The following STEAP3 variants were observed in gnomAD, a reference collection of about 807,000 sequenced individuals.
STEAP3 encodes the protein STEAP3 metalloreductase.
Under a neutral mutation model 34.9 loss-of-function variants are expected in STEAP3, and 35 were observed. The observed-to-expected ratio is 1.00, with a 90% CI of 0.76 to 1.33. The LOEUF (loss-of-function observed/expected upper bound fraction) is 1.33, where lower values mean the gene tolerates loss of function less well. Ranked by LOEUF, STEAP3 falls within the 40% of genes most tolerant of loss-of-function variation. The pLI is 0.00. For missense variants in STEAP3, 652 were observed against 667.6 expected, an observed-to-expected ratio of 0.98 and a Z score of 0.26; for synonymous variants, 281 against 301.6, an observed-to-expected ratio of 0.93 and a Z score of 0.71.
At chr2:119,257,402 T>C in intron 5 of STEAP3, 3 of 1,420,742 alleles carry the variant, frequency 2.1e-6, no homozygotes, top group Non-Finnish European at 2.8e-6. Context: ...GAGGGATGGC[T>C]CTGGCAATCT....
In STEAP3 at chr2:119,245,846, C is replaced by T; in HGVS notation, c.380C>T (p.Pro127Leu). The change falls in exon 3 of 6, where the codon CCT becomes CTT. Residue 127 changes from proline to leucine, a missense_variant. Pro to Leu is a moderately conservative substitution (Grantham distance 98, BLOSUM62 -3). Transcript: ENST00000393110. ...AGKILVDVSN[P>L]TEQEHLQHRE... ...AAGATCCTGGTGGATGTGAGCAACC[C>T]TACAGAGCAAGAGCACCTTCAGCAT... 6.2e-7 allele frequency: 1 copy of T among 1,614,162 alleles called. No individual in the cohort carries two copies.
At position 119,246,000 on chromosome 2, in the gene STEAP3, G is replaced by A; in HGVS notation, c.522+12G>A. The A allele has an allele frequency of 1.2e-6, 2 of 1,607,132 alleles. No individual in the cohort carries two copies. Among genetic ancestry groups the A allele is most frequent in the Non-Finnish European group, 1.7e-6 (2 of 1,175,946 alleles). On this transcript the variant is annotated intron_variant, in intron 3 of 5. Coordinates refer to ENST00000393110, the MANE Select transcript of STEAP3 (RefSeq NM_182915.3). ...ATGGTAACAGGCAGGTAGGTTCTGG[G>A]GGAATAATACCCATCGTAACAATAA... is the stretch of plus-strand genomic sequence containing the variant.
At chr2:119,242,268 G>A (rs1171937361) in intron 2 of STEAP3, among the ~76,000 whole-genome samples, 1 of 152,188 alleles carries the variant, frequency 6.6e-6, no homozygotes, top group Admixed American at 6.5e-5. Flanking sequence ...AAGATGGTCT[G>A]GGGGCCTCAG....
intron 5 of STEAP3, 59 bp from the exon 6 acceptor site, chr2:119,262,998 C>G: frequency 6.3e-7 from 1 of 1,577,986 alleles, no homozygotes; most frequent in East Asian, 2.2e-5. Context: ...GAGTCGTTGG[C>G]AGGATCACTG....
In STEAP3 at chr2:119,263,186, C is replaced by T. The variant is rs139983521; in HGVS notation, c.1345C>T (p.Pro449Ser). The part of the protein sequence containing the change: ...PPTFTLTLLV[P>S]CVVILAKALF... ...CACCTTCACGCTCACGCTGCTGGTG[C>T]CCTGCGTCGTCATCCTGGCCAAAGC... The change falls in exon 6 of 6, where the codon CCC becomes TCC. Residue 449 changes from proline to serine, a missense_variant. Transcript: ENST00000393110. 3.1e-6 allele frequency: 5 copies of T among 1,614,198 alleles called. No homozygotes were observed. The South Asian group carries it at 5.5e-5, about 18-fold the overall frequency.
At chr2:119,228,456 C>A (rs1209776850) in intron 1 of STEAP3, among the ~76,000 whole-genome samples, 3 of 152,212 alleles carry the variant, frequency 2.0e-5, no homozygotes, top group Admixed American at 6.5e-5. Context: ...CATCAAATCG[C>A]CCCAACCTGG....
chr2:119,253,235 G>A (rs754673871), intron 4 of STEAP3, among the ~76,000 whole-genome samples: 54 of 152,342 alleles, frequency 3.5e-4, no homozygotes, highest in Non-Finnish European at 6.8e-4. Flanking sequence ...CTGGTGGTCA[G>A]GACAAGAGGC....
chr2:119,263,365 G>T lies in STEAP3; in HGVS notation c.*27G>T. 6.2e-7 allele frequency: 1 copy of T among 1,602,552 alleles called. No homozygotes were observed. Among genetic ancestry groups the T allele is most frequent in the East Asian group, 2.3e-5 (1 of 44,400 alleles). ...GTGCCTGCCCTGGGCTCTGGACCCC[G>T]GGCACACGAGGGACGGTGCCCTGAG... On this transcript the variant is annotated 3_prime_UTR_variant, in exon 6 of 6. Transcript: ENST00000393110.
At chr2:119,237,804 G>T (rs781160556) in intron 2 of STEAP3, among the ~76,000 whole-genome samples, 1 of 152,188 alleles carries the variant, frequency 6.6e-6, no homozygotes, top group South Asian at 2.1e-4. Context: ...ATGGTGAGTT[G>T]CATGGTGTAC....
chr2:119,257,746 C>A, intron 5 of STEAP3: 1 of 1,380,142 alleles, frequency 7.2e-7, no homozygotes, highest in African/African-American at 1.5e-5. Context: ...TACCTGAGCC[C>A]CATCACCCTC....
At chr2:119,244,413 T>A (rs1677345780) in intron 2 of STEAP3, 1 of 151,342 alleles carries the variant, frequency 6.6e-6, no homozygotes, top group Non-Finnish European at 1.5e-5. Flanking sequence ...ATTTTTTTTT[T>A]ATTTTTTTAG....
At chr2:119,254,964 A>C in intron 5 of STEAP3, 116 bp downstream of exon 5, 2 of 1,306,044 alleles carry the variant, frequency 1.5e-6, no homozygotes, top group South Asian at 1.4e-5. Context: ...CAGCAGGACC[A>C]CTCGGTGAGA....
At chr2:119,262,138 G>T (rs976001281) in intron 5 of STEAP3, among the ~76,000 whole-genome samples, 1 of 152,112 alleles carries the variant, frequency 6.6e-6, no homozygotes, top group Admixed American at 6.5e-5. Context: ...AGTCCCCTTC[G>T]CTACTGGTGC....
chr2:119,248,074 C>T lies in STEAP3; in HGVS notation c.918C>T (p.Asp306=). The T allele has an allele frequency of 1.9e-6, 3 of 1,608,446 alleles. No homozygotes were observed. The highest frequency in any genetic ancestry group is 2.5e-6 in the Non-Finnish European group (3 of 1,179,900). Residue 306 remains aspartate, a synonymous_variant, in exon 4 of 6, where the codon GAC becomes GAT. Transcript: ENST00000393110. ...TKYQRFPDWL[D]HWLQHRKQIG... is the part of the protein sequence containing the mutation. Reference sequence around the variant, plus strand: ...ACCAGCGCTTCCCCGACTGGCTGGACCACTGGCTACAGCACCGCAAGCAGA... The same window carrying T: ...ACCAGCGCTTCCCCGACTGGCTGGATCACTGGCTACAGCACCGCAAGCAGA...
chr2:119,230,340 G>C (rs1676876393), intron 1 of STEAP3, among the ~76,000 whole-genome samples: 1 of 152,068 alleles, frequency 6.6e-6, no homozygotes, highest in African/African-American at 2.4e-5. Flanking sequence ...GACAAGTGCT[G>C]TCATCTGTTT....
At chr2:119,259,471 T>A (rs1482422592) in intron 5 of STEAP3, among the ~76,000 whole-genome samples, 1 of 152,238 alleles carries the variant, frequency 6.6e-6, no homozygotes, top group Non-Finnish European at 1.5e-5. Context: ...CCTTTGGCTG[T>A]CAGCCCTTGC....
chr2:119,231,171 C>G (rs560287071), intron 2 of STEAP3, 137 bp downstream of exon 2: 1 of 1,130,698 alleles, frequency 8.8e-7, no homozygotes, highest in African/African-American at 1.5e-5. Flanking sequence ...AACTCGACAC[C>G]TCCCAGAGAT....
Position 119,230,665 on chromosome 2 carries a change from C to T in STEAP3, c.-348C>T, listed in dbSNP as rs1676899075. The T allele has an allele frequency of 2.5e-6, 1 of 406,944 alleles. No individual in the cohort carries two copies. The highest frequency in any genetic ancestry group is 4.6e-6 in the Non-Finnish European group (1 of 218,016). 25.2% of individuals were successfully genotyped at this position (406,944 alleles called of 1,614,324 possible). The stretch of plus-strand genomic sequence containing the variant: ...GCATCCTGGGTTCTACTGGTCGTCC[C>T]ACCTCAGTTCCTGTAGCAAAGAGAC... On this transcript the variant is annotated 5_prime_UTR_variant, in exon 2 of 6. Coordinates refer to ENST00000393110, the MANE Select transcript of STEAP3 (RefSeq NM_182915.3).
At chr2:119,233,548 C>G (rs1001193789) in intron 2 of STEAP3, among the ~76,000 whole-genome samples, 2 of 152,160 alleles carry the variant, frequency 1.3e-5, no homozygotes, top group Non-Finnish European at 2.9e-5. Flanking sequence ...TCCCAACTCA[C>G]AAATACTCCC....
Sources: allele counts gnomAD v4.1 joint callset (sites outside exome capture counted in the v4.1 genomes callset), GRCh38; gene constraint gnomAD v4.1.1; transcripts MANE v1.5; gene names NCBI Gene and HGNC (gene_info 2026-07-23, HGNC 2026-07-21).